PRKCA: variants seen among roughly 807,000 people sequenced by gnomAD.
PRKCA encodes protein kinase C alpha.
PRKCA carries 27 observed loss-of-function variants against 87.0 expected under a neutral mutation model. That is an observed-to-expected ratio of 0.31 (90% confidence interval 0.23 to 0.43). The LOEUF is 0.43. PRKCA is among the 20% of genes least tolerant of loss of function. The pLI is 1.00. For missense variants in PRKCA, 518 were observed against 852.3 expected (o/e 0.61, Z 4.88); for synonymous variants, 329 against 311.1 (o/e 1.06, Z -0.61).
In PRKCA at chr17:66,742,646, G is replaced by A; in HGVS notation, c.1410G>A (p.Met470Ile). The change falls in exon 13 of 17, where the codon ATG becomes ATA. Residue 470 changes from methionine to isoleucine, a missense_variant. By Grantham distance (10) the Met-to-Ile change is conservative. This residue lies in a region of PRKCA where 300 missense variants were observed against 496.8 expected (regional missense o/e 0.60). Transcript: ENST00000413366. The stretch of plus-strand genomic sequence containing the variant: ...GGGATCTGAAGTTAGATAACGTCAT[G>A]TTGGATTCAGAAGGACATATCAAAA... Reference protein sequence around the residue: ...IYRDLKLDNVMLDSEGHIKIA... With the variant: ...IYRDLKLDNVILDSEGHIKIA... The A allele has an allele frequency of 6.2e-7, 1 of 1,614,192 alleles. No homozygotes were observed. The highest frequency in any genetic ancestry group is 8.5e-7 in the Non-Finnish European group (1 of 1,180,016).
At chr17:66,568,134 A>G (rs556255550) in intron 3 of PRKCA, among the ~76,000 whole-genome samples, 8 of 152,242 alleles carry the variant, frequency 5.3e-5, no homozygotes, top group African/African-American at 1.9e-4. Context: ...GGCCAACACG[A>G]TGAAACCCCA....
At chr17:66,376,336 G>A (rs1408907394) in intron 2 of PRKCA, among the ~76,000 whole-genome samples, 3 of 152,148 alleles carry the variant, frequency 2.0e-5, no homozygotes, top group East Asian at 1.9e-4. Context: ...GGCCTGGCGC[G>A]GTGGCTCACG....
intron 2 of PRKCA, among the ~76,000 whole-genome samples, chr17:66,399,814 A>C (rs1409838535): frequency 6.6e-6 from 1 of 152,188 alleles, no homozygotes; most frequent in Admixed American, 6.5e-5. Context: ...TGAATAATAT[A>C]ACATTATATA....
chr17:66,459,381 A>G (rs1222755692), intron 2 of PRKCA, among the ~76,000 whole-genome samples: 2 of 152,188 alleles, frequency 1.3e-5, no homozygotes, highest in Non-Finnish European at 2.9e-5. Flanking sequence ...GATAACAACA[A>G]CAAAACAAAA....
intron 2 of PRKCA, among the ~76,000 whole-genome samples, chr17:66,338,714 A>G (rs891840418): frequency 7.2e-5 from 11 of 152,138 alleles, no homozygotes; most frequent in African/African-American, 2.4e-4. Context: ...GGAGAAGGGG[A>G]TGAAAAAAAA....
chr17:66,672,803 G>C (rs1972227516), intron 5 of PRKCA, among the ~76,000 whole-genome samples: 1 of 152,120 alleles, frequency 6.6e-6, no homozygotes, highest in Admixed American at 6.5e-5. Context: ...TTGTTATAAA[G>C]GCAGGTTCTA....
intron 14 of PRKCA, among the ~76,000 whole-genome samples, chr17:66,784,201 C>T (rs1474282293): frequency 6.6e-6 from 1 of 152,114 alleles, no homozygotes; most frequent in East Asian, 1.9e-4. Flanking sequence ...AGTTCAGGAG[C>T]CTTGAGCCCC....
intron 5 of PRKCA, among the ~76,000 whole-genome samples, chr17:66,680,998 G>A (rs1567972926): frequency 1.3e-5 from 2 of 152,216 alleles, no homozygotes; most frequent in South Asian, 2.1e-4. Flanking sequence ...GGAGGCCAAG[G>A]TGGGTGGATC....
chr17:66,732,356 C>T (rs1320393202), intron 8 of PRKCA, among the ~76,000 whole-genome samples: 1 of 152,102 alleles, frequency 6.6e-6, no homozygotes, highest in East Asian at 1.9e-4. Context: ...TTCATGGACC[C>T]GAAGCACTGT....
At chr17:66,561,840 A>G (rs2143304914) in intron 3 of PRKCA, among the ~76,000 whole-genome samples, 1 of 152,112 alleles carries the variant, frequency 6.6e-6, no homozygotes, top group African/African-American at 2.4e-5. Flanking sequence ...TATATGAGGT[A>G]CTTGGAATAG....
chr17:66,372,234 T>C lies in PRKCA; in HGVS notation c.205+66107T>C, dbSNP rs545110150. On this transcript the variant is annotated intron_variant, in intron 2 of 16. Transcript: ENST00000413366. ...CTGTGAACCAGACTTGGAGAAACAC[T>C]ATTTTAGTCCAGCGTCTTGGATGCA... Among the ~76,000 whole-genome samples the C allele has an allele frequency of 2.6e-5, 4 of 152,356 alleles. No individual in the cohort carries two copies. In the South Asian group the frequency reaches 8.3e-4, roughly 32 times the overall value.
At chr17:66,541,765 T>A (rs1156964745) in intron 3 of PRKCA, among the ~76,000 whole-genome samples, 1 of 152,276 alleles carries the variant, frequency 6.6e-6, no homozygotes, top group African/African-American at 2.4e-5. Context: ...CATATCTATT[T>A]TTGAGGTTTC....
intron 13 of PRKCA, among the ~76,000 whole-genome samples, chr17:66,750,775 A>G (rs145147354): frequency 2.0e-5 from 3 of 152,254 alleles, no homozygotes; most frequent in African/African-American, 7.2e-5. Flanking sequence ...AGTCAATTCT[A>G]ATTCCTGGAT....
chr17:66,734,548 C>T (rs1240394577), intron 9 of PRKCA, among the ~76,000 whole-genome samples: 4 of 152,120 alleles, frequency 2.6e-5, no homozygotes, highest in African/African-American at 7.2e-5. Flanking sequence ...TTATTCTCAT[C>T]GCCATCTTGG....
At chr17:66,521,582 T>C (rs1040032771) in intron 3 of PRKCA, among the ~76,000 whole-genome samples, 1 of 152,200 alleles carries the variant, frequency 6.6e-6, no homozygotes, top group African/African-American at 2.4e-5. Flanking sequence ...TTCTGGCTAA[T>C]TAGGACAACA....
chr17:66,353,350 T>G (rs889843619), intron 2 of PRKCA, among the ~76,000 whole-genome samples: 1 of 152,232 alleles, frequency 6.6e-6, no homozygotes, highest in African/African-American at 2.4e-5. Flanking sequence ...ATAGGTATCC[T>G]TTAGACGGCA....
intron 5 of PRKCA, among the ~76,000 whole-genome samples, chr17:66,646,767 G>A (rs898991491): frequency 1.3e-5 from 2 of 152,156 alleles, no homozygotes; most frequent in Non-Finnish European, 2.9e-5. Context: ...GTCCCCTCAG[G>A]TAAGAACTCA....
intron 3 of PRKCA, among the ~76,000 whole-genome samples, chr17:66,615,200 A>G (rs1377638830): frequency 6.6e-6 from 1 of 152,216 alleles, no homozygotes; most frequent in Non-Finnish European, 1.5e-5. Context: ...AAGTTTCCAC[A>G]TAACACTTCC....
At chr17:66,384,777 C>G (rs562448603) in intron 2 of PRKCA, among the ~76,000 whole-genome samples, 1 of 151,998 alleles carries the variant, frequency 6.6e-6, no homozygotes. Context: ...TACAGGTGCC[C>G]GTCACCACAC....
Sources: allele counts gnomAD v4.1 joint callset (sites outside exome capture counted in the v4.1 genomes callset), GRCh38; gene constraint gnomAD v4.1.1; regional missense constraint gnomAD v4.1.1; transcripts MANE v1.5; gene names NCBI Gene and HGNC (gene_info 2026-07-23, HGNC 2026-07-21).